The following SLC44A2 variants were observed in gnomAD, a reference collection of about 807,000 sequenced individuals.
The protein encoded by SLC44A2 is choline transporter-like protein 2.
In SLC44A2, 57 loss-of-function variants were observed where a neutral mutation model predicts 90.8. The observed-to-expected ratio is 0.63, with a 90% CI of 0.51 to 0.78. The LOEUF (loss-of-function observed/expected upper bound fraction) is 0.78, where lower values mean the gene tolerates loss of function less well. Ranked by LOEUF, SLC44A2 falls within the 30% of genes least tolerant of loss-of-function variation. The pLI is 0.00. For synonymous variants in SLC44A2, 355 were observed against 360.7 expected, an observed-to-expected ratio of 0.98 and a Z score of 0.18; for missense variants, 794 against 919.7, an observed-to-expected ratio of 0.86 and a Z score of 1.77.
In SLC44A2 at chr19:10,636,469, G is replaced by C. The variant is rs2144877293; in HGVS notation, c.1380G>C (p.Val460=). 2 of 1,613,634 alleles carry C rather than the reference G, an allele frequency of 1.2e-6. No homozygotes were observed. The highest frequency in any genetic ancestry group is 4.5e-5 in the East Asian group (2 of 44,864). ...AFMFFWLANF[V]LALGQVTLAG... ...TGTTCTTCTGGTTGGCCAACTTCGTGCTGGCGCTGGGCCAGGTCACGCTGG... is the reference window on the plus strand; with the variant it reads ...TGTTCTTCTGGTTGGCCAACTTCGTCCTGGCGCTGGGCCAGGTCACGCTGG... Residue 460 remains valine (V), a synonymous_variant, in exon 15 of 22, where the codon GTG becomes GTC. Transcript: ENST00000335757.
chr19:10,638,270 G>A lies in SLC44A2; in HGVS notation c.1884G>A (p.Val628=). The A allele has an allele frequency of 6.2e-7, 1 of 1,614,126 alleles. No individual in the cohort carries two copies. The highest frequency in any genetic ancestry group is 2.2e-5 in the East Asian group (1 of 44,892). ...TCTTCACCCACCGTATCAGGATCGTGCAGGATACAGCACCACCCCTCAATT... is the reference window on the plus strand; with the variant it reads ...TCTTCACCCACCGTATCAGGATCGTACAGGATACAGCACCACCCCTCAATT... The part of the protein sequence containing the change: ...FFFFTHRIRI[V]QDTAPPLNYY... The change falls in exon 20 of 22, where the codon GTG becomes GTA. Residue 628 remains valine (V), a synonymous_variant. Coordinates refer to ENST00000335757, the MANE Select transcript of SLC44A2 (RefSeq NM_020428.4).
intron 1 of SLC44A2, among the ~76,000 whole-genome samples, chr19:10,610,664 A>G (rs1177307866): frequency 4.5e-4 from 19 of 42,150 alleles, no homozygotes; most frequent in Admixed American, 1.1e-3. Flanking sequence ...TTTGAGATGG[A>G]GTTTCACTCT....
At chr19:10,618,808 A>G (rs1477560045) in intron 1 of SLC44A2, among the ~76,000 whole-genome samples, 2 of 152,048 alleles carry the variant, frequency 1.3e-5, no homozygotes, top group South Asian at 2.1e-4. Context: ...TCCTGAGCTC[A>G]GGCAATCCGC....
intron 20 of SLC44A2, among the ~76,000 whole-genome samples, chr19:10,639,891 A>AC (rs896404120): frequency 2.0e-5 from 3 of 152,060 alleles, no homozygotes; most frequent in African/African-American, 7.2e-5. Context: ...AAAAAAAAAA[A>AC]AGTGGAGATA....
intron 1 of SLC44A2, among the ~76,000 whole-genome samples, chr19:10,625,961 C>G (rs2066929166): frequency 6.6e-6 from 1 of 152,150 alleles, no homozygotes; most frequent in South Asian, 2.1e-4. Flanking sequence ...TTCCCCATCT[C>G]CACCTGGTTC....
chr19:10,626,264 A>G lies in SLC44A2; in HGVS notation c.49A>G (p.Lys17Glu), dbSNP rs2066932926. Residue 17 changes from lysine to glutamate, a missense_variant, in exon 2 of 22, where the codon AAG becomes GAG. This residue lies in a region of SLC44A2 where 738 missense variants were observed against 841.1 expected (regional missense o/e 0.88). Transcript: ENST00000335757. ...HYYGKHGTPQKYDPTFKGPIY... is the reference protein window; with the variant it reads ...HYYGKHGTPQEYDPTFKGPIY... ...TTCTTGACTTTCAGGAACGCCACAGAAGTATGATCCCACTTTCAAAGGACC... is the reference window on the plus strand; with the variant it reads ...TTCTTGACTTTCAGGAACGCCACAGGAGTATGATCCCACTTTCAAAGGACC... 6.2e-7 allele frequency: 1 copy of G among 1,613,514 alleles called. No individual in the cohort carries two copies. The highest frequency in any genetic ancestry group is 1.1e-5 in the South Asian group (1 of 91,080).
At position 10,604,341 on chromosome 19, in the gene SLC44A2, T is replaced by C. The variant is rs561297789; in HGVS notation, c.31+1780T>C. Among the ~76,000 whole-genome samples, 19 of 152,322 alleles carry C rather than the reference T, an allele frequency of 1.2e-4. No homozygotes were observed. The South Asian group carries it at 3.5e-3, about 28-fold the overall frequency. On this transcript the variant is annotated intron_variant, in intron 1 of 21. Coordinates refer to the SLC44A2 transcript ENST00000407327. ...CAGAAAGAACAGCAAACAAACCACG[T>C]AGTTACTTAATTACATTTTGCCTTG...
chr19:10,621,214 C>A (rs1568446080), upstream of SLC44A2, among the ~76,000 whole-genome samples: 1 of 149,276 alleles, frequency 6.7e-6, no homozygotes, highest in Non-Finnish European at 1.5e-5. Flanking sequence ...CAGCCAGGCA[C>A]GTTGGTGTGT....
At chr19:10,614,704 C>T (rs1465615427) in intron 1 of SLC44A2, among the ~76,000 whole-genome samples, 1 of 152,154 alleles carries the variant, frequency 6.6e-6, no homozygotes, top group African/African-American at 2.4e-5. Flanking sequence ...GGCGCGGTGG[C>T]TCACGCCGAT....
intron 20 of SLC44A2, among the ~76,000 whole-genome samples, chr19:10,639,280 G>A (rs1228318020): frequency 6.6e-6 from 1 of 152,224 alleles, no homozygotes; most frequent in Non-Finnish European, 1.5e-5. Flanking sequence ...CAGGCATCGA[G>A]GTGGAGGGCT....
intron 16 of SLC44A2, 58 bp downstream of exon 16, chr19:10,636,814 A>G (rs900077179): frequency 1.8e-5 from 28 of 1,537,432 alleles, no homozygotes; most frequent in Non-Finnish European, 2.5e-5. Flanking sequence ...TGAATAGCGA[A>G]CCAGGATTGG....
At chr19:10,629,758 CT>C (rs927015027) in intron 4 of SLC44A2, among the ~76,000 whole-genome samples, 1,597 of 144,334 alleles carry the variant, frequency 0.011, 26 homozygotes, top group African/African-American at 0.033. Flanking sequence ...TATAAGATAT[CT>C]TTTTTTTTTT....
At chr19:10,636,629 G>T in intron 15 of SLC44A2, 33 bp from the exon 16 acceptor site, 2 of 1,609,330 alleles carry the variant, frequency 1.2e-6, no homozygotes, top group Non-Finnish European at 8.5e-7. Flanking sequence ...GACGAGGCCT[G>T]GCCCAGCCAC....
At chr19:10,638,444 AC>A in intron 20 of SLC44A2, 129 bp downstream of exon 20, 1 of 915,706 alleles carries the variant, frequency 1.1e-6, no homozygotes, top group Admixed American at 2.0e-5. Flanking sequence ...CAGACCACAA[AC>A]TTTTTGTTTG....
chr19:10,623,879 AG>A (rs1403450409), upstream of SLC44A2, among the ~76,000 whole-genome samples: 1 of 151,754 alleles, frequency 6.6e-6, no homozygotes, highest in African/African-American at 2.4e-5. Flanking sequence ...TAGTACAGAC[AG>A]GGTTTTGCCT....
At chr19:10,639,871 ACT>A (rs1299372401) in intron 20 of SLC44A2, among the ~76,000 whole-genome samples, 2 of 150,666 alleles carry the variant, frequency 1.3e-5, no homozygotes, top group African/African-American at 2.4e-5. Context: ...ACAGAGTGAG[ACT>A]CTCTCTCAAA....
chr19:10,607,396 G>A (rs914087110), intron 1 of SLC44A2, among the ~76,000 whole-genome samples: 4 of 151,874 alleles, frequency 2.6e-5, no homozygotes, highest in African/African-American at 9.7e-5. Flanking sequence ...CCCAGGCTGG[G>A]CTAGAGTGCA....
Position 10,631,501 on chromosome 19 carries a change from T to C in SLC44A2, c.468T>C (p.Gly156=). 1 of 1,614,034 alleles carries C rather than the reference T, an allele frequency of 6.2e-7. No individual in the cohort carries two copies. Among genetic ancestry groups the C allele is most frequent in the Non-Finnish European group, 8.5e-7 (1 of 1,180,032 alleles). The stretch of plus-strand genomic sequence containing the variant: ...GAGTGGCTGAGGTGCTTCAAGATGG[T>C]GACTGCCCTGCTGTCCTCATCCCCA... ...NKGVAEVLQD[G]DCPAVLIPSK... Residue 156 remains glycine (G), a synonymous_variant, in exon 7 of 22, where the codon GGT becomes GGC. Coordinates refer to ENST00000335757, the MANE Select transcript of SLC44A2 (RefSeq NM_020428.4).
At position 10,625,639 on chromosome 19, in the gene SLC44A2, G is replaced by T. The variant is rs2066924521; in HGVS notation, c.6G>T (p.Gly2=). 8.0e-7 allele frequency: 1 copy of T among 1,248,654 alleles called. No individual in the cohort carries two copies. Among genetic ancestry groups the T allele is most frequent in the Admixed American group, 4.2e-5 (1 of 23,838 alleles). The allele number at this position is 1,248,654 out of a possible 1,614,324, so 77.3% of individuals were successfully genotyped here. A position where few individuals can be genotyped will look rare whatever the true frequency, so the allele number is the denominator to read the frequency against. Residue 2 remains glycine (G), a synonymous_variant, in exon 1 of 22, where the codon GGG becomes GGT. Transcript: ENST00000335757. ...GGGGCTGGTCGCCTGCAGGGATGGG[G>T]GACGAGCGGCCCCACTACTACGGGA... is the stretch of plus-strand genomic sequence containing the variant. M[G]DERPHYYGKH... is the part of the protein sequence containing the mutation.
Sources: allele counts gnomAD v4.1 joint callset (sites outside exome capture counted in the v4.1 genomes callset), GRCh38; gene constraint gnomAD v4.1.1; regional missense constraint gnomAD v4.1.1; transcripts MANE v1.5; gene names NCBI Gene and HGNC (gene_info 2026-07-23, HGNC 2026-07-21).